VAV2: variants seen among roughly 807,000 people sequenced by gnomAD.
The protein encoded by VAV2 is guanine nucleotide exchange factor VAV2.
A neutral mutation model predicts 132.5 loss-of-function variants in VAV2; 67 were observed. That is an observed-to-expected ratio of 0.51 (90% CI 0.42 to 0.62). The LOEUF (loss-of-function observed/expected upper bound fraction) is 0.62, where lower values mean the gene tolerates loss of function less well. VAV2 is among the 20% of genes least tolerant of loss of function. VAV2 has a pLI of 0.00. For synonymous variants in VAV2, 492 were observed against 443.5 expected (o/e 1.11, Z -1.37); for missense variants, 938 against 1,153.6 (o/e 0.81, Z 2.71).
chr9:133,925,618 C>T (rs1177134539), intron 2 of VAV2, among the ~76,000 whole-genome samples: 1 of 152,140 alleles, frequency 6.6e-6, no homozygotes, highest in Non-Finnish European at 1.5e-5. Context: ...CATGTTTCGC[C>T]ACTGCCCTTG....
intron 17 of VAV2, among the ~76,000 whole-genome samples, 191 bp from the exon 18 acceptor site, chr9:133,784,609 G>A (rs566150794): frequency 3.0e-4 from 45 of 152,360 alleles, no homozygotes; most frequent in African/African-American, 1.0e-3. Flanking sequence ...GTAGAAGGCA[G>A]GTCAGAGAAG....
chr9:133,809,468 C>A (rs953276836), intron 6 of VAV2, among the ~76,000 whole-genome samples: 1 of 152,200 alleles, frequency 6.6e-6, no homozygotes, highest in Admixed American at 6.5e-5. Context: ...GGGGTGAGGG[C>A]CTCAGAAGCT....
chr9:133,976,321 T>C (rs1842508955), intron 1 of VAV2, among the ~76,000 whole-genome samples: 1 of 152,136 alleles, frequency 6.6e-6, no homozygotes, highest in Admixed American at 6.5e-5. Flanking sequence ...GAGGCGACAG[T>C]GAGATCCTGA....
intron 4 of VAV2, among the ~76,000 whole-genome samples, chr9:133,820,614 C>T (rs1022359653): frequency 3.3e-5 from 5 of 152,118 alleles, no homozygotes; most frequent in Admixed American, 3.3e-4. Context: ...CGTGAGCCAC[C>T]GCGCCCGGCC....
In VAV2 at chr9:133,918,694, C is replaced by G. The variant is rs557431041; in HGVS notation, c.321+20409G>C. On this transcript the variant is annotated intron_variant, in intron 2 of 29. Coordinates refer to ENST00000371850, the MANE Select transcript of VAV2 (RefSeq NM_001134398.2). The surrounding 1 kb of genome is among the most constrained non-coding windows in gnomAD (Gnocchi z 4.7). ...AGGCAGACCTCAAATCCAGGCCCATCTGAGTCCAAAAGTCCCATTCTCAAC... is the reference window on the plus strand; with the variant it reads ...AGGCAGACCTCAAATCCAGGCCCATGTGAGTCCAAAAGTCCCATTCTCAAC... Among the ~76,000 whole-genome samples the G allele has an allele frequency of 6.6e-6, 1 of 152,298 alleles. No individual in the cohort carries two copies. The highest frequency in any genetic ancestry group is 6.5e-5 in the Admixed American group (1 of 15,304).
At chr9:133,983,584 G>C (rs1842763705) in intron 1 of VAV2, among the ~76,000 whole-genome samples, 1 of 152,078 alleles carries the variant, frequency 6.6e-6, no homozygotes, top group Admixed American at 6.5e-5. Flanking sequence ...ATTCCTCCCG[G>C]TCTCATCCTG....
In VAV2 at chr9:133,818,871, A is replaced by C. The variant is rs548859836; in HGVS notation, c.450-6655T>G. Reference sequence around the variant, plus strand: ...GCTATGAACGATACTCAGCCTCCCGAGTAGCTGGGATTACAGGCACTCACC... The same window carrying C: ...GCTATGAACGATACTCAGCCTCCCGCGTAGCTGGGATTACAGGCACTCACC... On this transcript the variant is annotated intron_variant, in intron 4 of 29. Transcript: ENST00000371850. 1.5e-3 allele frequency among the ~76,000 whole-genome samples: 229 copies of C among 152,094 alleles called. 1 individual carries two copies. The highest frequency in any genetic ancestry group is 1.9e-3 in the Non-Finnish European group (127 of 68,002).
intron 2 of VAV2, among the ~76,000 whole-genome samples, chr9:133,874,384 T>C (rs1325808852): frequency 2.0e-5 from 3 of 152,056 alleles, no homozygotes; most frequent in Admixed American, 1.3e-4. Flanking sequence ...CTCCCTCCCC[T>C]GTCCACCAGG....
Position 133,918,999 on chromosome 9 carries a change from T to C in VAV2, c.321+20104A>G, listed in dbSNP as rs569430210. Among the ~76,000 whole-genome samples the C allele has an allele frequency of 6.6e-5, 10 of 152,228 alleles. No homozygotes were observed. The highest frequency in any genetic ancestry group is 2.2e-4 in the African/African-American group (9 of 41,534). On this transcript the variant is annotated intron_variant, in intron 2 of 29. Coordinates refer to ENST00000371850, the MANE Select transcript of VAV2 (RefSeq NM_001134398.2). This position sits in a 1 kb window ranked among gnomAD's most constrained non-coding sequence, Gnocchi z 4.7. ...CATGTTGTCCAGGCTGGTCTCGAAC[T>C]CCTGACCTTGTGATCCTCCCACCTC...
rs1015668906 is a variant in VAV2 at position 133,991,360 on chromosome 9, G to T, written c.204+715C>A. 2.6e-5 allele frequency among the ~76,000 whole-genome samples: 4 copies of T among 152,198 alleles called. No individual in the cohort carries two copies. The highest frequency in any genetic ancestry group is 5.9e-5 in the Non-Finnish European group (4 of 68,040). On this transcript the variant is annotated intron_variant, in intron 1 of 29. Transcript: ENST00000371850. The surrounding 1 kb of genome is among the most constrained non-coding windows in gnomAD (Gnocchi z 4.8). Reference sequence around the variant, plus strand: ...CCTGCCTGGCCCTGCGGCCGCACGCGTGCCTCCGCCGCGACAAAGGCCACA... The same window carrying T: ...CCTGCCTGGCCCTGCGGCCGCACGCTTGCCTCCGCCGCGACAAAGGCCACA...
rs987057848 is a variant in VAV2 at position 133,823,638 on chromosome 9, C to T, written c.449+10634G>A. Among the ~76,000 whole-genome samples, 1 of 152,162 alleles carries T rather than the reference C, an allele frequency of 6.6e-6. No homozygotes were observed. The highest frequency in any genetic ancestry group is 6.5e-5 in the Admixed American group (1 of 15,280). ...GGAGGGACCTTCATCAGACACAGCA[C>T]AGCCCTCTCATTCGGGCCGAAGCCC... On this transcript the variant is annotated intron_variant, in intron 4 of 29. Coordinates refer to ENST00000371850, the MANE Select transcript of VAV2 (RefSeq NM_001134398.2). This position sits in a 1 kb window ranked among gnomAD's most constrained non-coding sequence, Gnocchi z 5.5.
At position 133,781,465 on chromosome 9, in the gene VAV2, C is replaced by T. The variant is rs561777405; in HGVS notation, c.1724-755G>A. Among the ~76,000 whole-genome samples, 10 of 152,230 alleles carry T rather than the reference C, an allele frequency of 6.6e-5. No homozygotes were observed. In the South Asian group the frequency reaches 2.1e-3, roughly 32 times the overall value. ...ATCCACAGACACCACAGAACAGGTT[C>T]CAGCTCAGTGGGCAGGGGTCAGGGG... is the stretch of plus-strand genomic sequence containing the variant. On this transcript the variant is annotated intron_variant, in intron 19 of 29. Coordinates refer to ENST00000371850, the MANE Select transcript of VAV2 (RefSeq NM_001134398.2).
At chr9:133,865,247 G>A (rs1274332975) in intron 2 of VAV2, among the ~76,000 whole-genome samples, 1 of 152,216 alleles carries the variant, frequency 6.6e-6, no homozygotes, top group Non-Finnish European at 1.5e-5. Flanking sequence ...AACGTAGACT[G>A]CGGATTCACT....
chr9:133,889,443 G>A (rs768134069), intron 2 of VAV2, among the ~76,000 whole-genome samples: 1 of 152,122 alleles, frequency 6.6e-6, no homozygotes, highest in Non-Finnish European at 1.5e-5. Flanking sequence ...AGTGATCTGC[G>A]GTCCTCGGTT....
At position 133,807,255 on chromosome 9, in the gene VAV2, T is replaced by C. The variant is rs1299607766; in HGVS notation, c.735+3A>G. 1.9e-6 allele frequency: 3 copies of C among 1,609,746 alleles called. No individual in the cohort carries two copies. The highest frequency in any genetic ancestry group is 1.7e-5 in the Admixed American group (1 of 59,754). ...CATGAGCGATGGGGGCCGGGACCCT[T>C]ACCTCCAGGTTAATGAAGACAGCTG... is the stretch of plus-strand genomic sequence containing the variant. On this transcript the variant is annotated splice_donor_region_variant and intron_variant, in intron 8 of 29. Transcript: ENST00000371850.
At chr9:133,967,001 C>T (rs1157327437) in intron 1 of VAV2, among the ~76,000 whole-genome samples, 1 of 146,294 alleles carries the variant, frequency 6.8e-6, no homozygotes, top group African/African-American at 2.5e-5. Context: ...CACCACTGCA[C>T]TCCAGCCTAG....
intron 29 of VAV2, among the ~76,000 whole-genome samples, chr9:133,766,759 A>AATATATATAT (rs373267933): frequency 0.094 from 10,416 of 111,314 alleles, 583 homozygotes; most frequent in African/African-American, 0.12. Context: ...AGTATAAATA[A>AATATATATAT]ATATATATAT....
chr9:133,866,735 C>G (rs7047679), intron 2 of VAV2, among the ~76,000 whole-genome samples: 12,667 of 149,872 alleles, frequency 0.085, 1,496 homozygotes, highest in African/African-American at 0.27. Flanking sequence ...GAACCCAGGA[C>G]GTGGAGGTTC....
rs144205819 is a variant in VAV2 at position 133,924,970 on chromosome 9, G to A, written c.321+14133C>T. ...TCAGTGCAAGAAGCCGACGCTAAAG[G>A]CCACATATTGTAGGATTCCACTTAT... On this transcript the variant is annotated intron_variant, in intron 2 of 29. Coordinates refer to ENST00000371850, the MANE Select transcript of VAV2 (RefSeq NM_001134398.2). 5.9e-4 allele frequency among the ~76,000 whole-genome samples: 90 copies of A among 152,322 alleles called. 2 individuals carry two copies. The East Asian group carries it at 0.015, about 26-fold the overall frequency.
Sources: allele counts gnomAD v4.1 joint callset (sites outside exome capture counted in the v4.1 genomes callset), GRCh38; gene constraint gnomAD v4.1.1; non-coding constraint Gnocchi (gnomAD v3.1); transcripts MANE v1.5; gene names NCBI Gene and HGNC (gene_info 2026-07-23, HGNC 2026-07-21).